NGRN: variants seen among roughly 807,000 people sequenced by gnomAD.
The protein encoded by NGRN is neugrin.
A neutral mutation model predicts 13.1 loss-of-function variants in NGRN; 12 were observed. The observed-to-expected ratio is 0.92, with a 90% CI of 0.59 to 1.49. The LOEUF (loss-of-function observed/expected upper bound fraction) is 1.49. Ranked by LOEUF, NGRN falls within the 40% of genes most tolerant of loss-of-function variation. The pLI is 0.00. For missense variants in NGRN, 397 were observed against 357.0 expected, an observed-to-expected ratio of 1.11 and a Z score of -0.90; for synonymous variants, 149 against 145.8, an observed-to-expected ratio of 1.02 and a Z score of -0.16.
At chr15:90,268,081 G>A (rs1278900145) in intron 2 of NGRN, among the ~76,000 whole-genome samples, 1 of 152,080 alleles carries the variant, frequency 6.6e-6, no homozygotes, top group Non-Finnish European at 1.5e-5. Context: ...TCAGCTCACT[G>A]CAGCCTCTGC....
chr15:90,271,128 G>A (rs1963495122), intron 2 of NGRN, 60 bp from the exon 3 acceptor site: 1 of 1,558,896 alleles, frequency 6.4e-7, no homozygotes, highest in Admixed American at 1.9e-5. Flanking sequence ...GGTATTGCGA[G>A]TTAGATGTTC....
chr15:90,266,222 C>T (rs1963417185), intron 1 of NGRN, 66 bp from the exon 2 acceptor site: 1 of 1,554,600 alleles, frequency 6.4e-7, no homozygotes, highest in Non-Finnish European at 8.7e-7. Context: ...ATGATTTAGC[C>T]TGAGGCTCTT....
At chr15:90,270,238 A>C (rs1379788890) in intron 2 of NGRN, among the ~76,000 whole-genome samples, 1 of 152,042 alleles carries the variant, frequency 6.6e-6, no homozygotes, top group Non-Finnish European at 1.5e-5. Flanking sequence ...CACTGCTTAA[A>C]ATTTTTCCTT....
In NGRN at chr15:90,271,197, T is replaced by C; in HGVS notation, c.285T>C (p.His95=). 1 of 1,610,588 alleles carries C rather than the reference T, an allele frequency of 6.2e-7. No homozygotes were observed. The highest frequency in any genetic ancestry group is 1.3e-5 in the African/African-American group (1 of 74,710). The change falls in exon 3 of 3, where the codon CAT becomes CAC. Residue 95 remains histidine (H), a synonymous_variant. Transcript: ENST00000379095. ...WEAMEQIRYL[H]EEFPESWSVP... Reference sequence around the variant, plus strand: ...CTCCTTCTTCCCGTAGGTATTTACATGAGGAATTTCCAGAGTCCTGGTCAG... The same window carrying C: ...CTCCTTCTTCCCGTAGGTATTTACACGAGGAATTTCCAGAGTCCTGGTCAG...
intron 2 of NGRN, among the ~76,000 whole-genome samples, chr15:90,267,116 C>G (rs1005473924): frequency 2.0e-5 from 3 of 151,458 alleles, no homozygotes; most frequent in South Asian, 2.1e-4. Flanking sequence ...ACTGCAGCCT[C>G]TACCTCCTGG....
chr15:90,269,603 C>T (rs1303156192), intron 2 of NGRN, among the ~76,000 whole-genome samples: 2 of 152,046 alleles, frequency 1.3e-5, no homozygotes, highest in Non-Finnish European at 2.9e-5. Context: ...GCATATTTCC[C>T]TGCCTGATGC....
Position 90,271,476 on chromosome 15 carries a change from C to T in NGRN, c.564C>T (p.Ser188=). 1 of 1,614,086 alleles carries T rather than the reference C, an allele frequency of 6.2e-7. No individual in the cohort carries two copies. The highest frequency in any genetic ancestry group is 8.5e-7 in the Non-Finnish European group (1 of 1,180,032). The change falls in exon 3 of 3, where the codon AGC becomes AGT. Residue 188 remains serine, a synonymous_variant. Transcript: ENST00000379095. ...CCTCATCTAAAGACCCAAATCACAG[C>T]ACAGCTTTGAAAGTGATAGAGTCAG... The part of the protein sequence containing the change: ...HEASSKDPNH[S]TALKVIESDT...
chr15:90,270,863 T>G (rs1963491702), intron 2 of NGRN, among the ~76,000 whole-genome samples: 2 of 152,256 alleles, frequency 1.3e-5, no homozygotes, highest in Admixed American at 6.5e-5. Flanking sequence ...AGTCTCACTC[T>G]GTTGCCCAGG....
rs745619715 is a variant in NGRN, at chr15:90,271,719, C to A, written c.807C>A (p.Phe269Leu). The change falls in exon 3 of 3, where the codon TTC (phenylalanine) becomes TTA (leucine). Residue 269 changes from phenylalanine (F) to leucine (L), a missense_variant. Physicochemically the swap from Phe to Leu is conservative, Grantham distance 22. Transcript: ENST00000379095. ...EELKAEEPDN[F>L]SSKVVQRGRE... ...TGAAGGCAGAGGAGCCAGATAACTTCAGCAGCAAAGTAGTGCAGAGGGGCC... is the reference window on the plus strand; with the variant it reads ...TGAAGGCAGAGGAGCCAGATAACTTAAGCAGCAAAGTAGTGCAGAGGGGCC... 2 of 1,614,170 alleles carry A rather than the reference C, an allele frequency of 1.2e-6. No homozygotes were observed. Among genetic ancestry groups the A allele is most frequent in the Non-Finnish European group, 1.7e-6 (2 of 1,180,030 alleles).
intron 2 of NGRN, among the ~76,000 whole-genome samples, chr15:90,269,810 C>T (rs1401498478): frequency 6.6e-6 from 1 of 152,158 alleles, no homozygotes; most frequent in East Asian, 1.9e-4. Flanking sequence ...CATTCTGTTC[C>T]TGTTTTTCCT....
rs1292178144 is a variant in NGRN, at chr15:90,265,814, C to T, written c.102C>T (p.Gly34=). The T allele has an allele frequency of 6.2e-7, 1 of 1,610,382 alleles. No homozygotes were observed. The highest frequency in any genetic ancestry group is 8.5e-7 in the Non-Finnish European group (1 of 1,178,458). The change falls in exon 1 of 3, where the codon GGC becomes GGT. Residue 34 remains glycine (G), a synonymous_variant. Transcript: ENST00000379095. ...TRGVAGPGPI[G]REPDPDSDWE... is the part of the protein sequence containing the mutation. ...GGGTGGCGGGCCCAGGCCCTATTGG[C>T]CGGGAGCCGGACCCCGATTCCGACT...
rs1963422033 is a variant in NGRN at position 90,266,398 on chromosome 15, G to T, written c.275G>T (p.Arg92Leu). ...ACGTGGGAAGCCATGGAGCAGATAC[G>T]GTGAGACTCAGGATACCTTGTTTGT... is the stretch of plus-strand genomic sequence containing the variant. ...TLTWEAMEQI[R>L]YLHEEFPESW... Residue 92 changes from arginine to leucine, a missense_variant and splice_region_variant, in exon 2 of 3, where the codon CGG becomes CTG. Coordinates refer to ENST00000379095, the MANE Select transcript of NGRN (RefSeq NM_001033088.3). 6.2e-7 allele frequency: 1 copy of T among 1,611,494 alleles called. No homozygotes were observed. Among genetic ancestry groups the T allele is most frequent in the South Asian group, 1.1e-5 (1 of 90,642 alleles).
intron 2 of NGRN, among the ~76,000 whole-genome samples, chr15:90,269,968 C>G (rs1963481520): frequency 6.6e-6 from 1 of 152,214 alleles, no homozygotes; most frequent in African/African-American, 2.4e-5. Context: ...CATTGACTGT[C>G]TCACTCGAGA....
At position 90,271,301 on chromosome 15, in the gene NGRN, T is replaced by TGGAGCA. The variant is rs777578191; in HGVS notation, c.391_396dup (p.Glu131_Gln132dup). The TGGAGCA allele has an allele frequency of 5.0e-6, 8 of 1,614,136 alleles. No homozygotes were observed. The Admixed American group carries it at 1.3e-4, about 27-fold the overall frequency. ...TTAAAAAGCAAGTTTTTACCCACATTGGAGCAGAAGCTGAAGCAGGATCAA... is the reference window on the plus strand; with the variant it reads ...TTAAAAAGCAAGTTTTTACCCACATTGGAGCAGGAGCAGAAGCTGAAGCAGGATCAA... On this transcript the variant is annotated inframe_insertion, in exon 3 of 3. Coordinates refer to ENST00000379095, the MANE Select transcript of NGRN (RefSeq NM_001033088.3).
chr15:90,271,081 C>T, intron 2 of NGRN, 107 bp from the exon 3 acceptor site: 10 of 1,305,590 alleles, frequency 7.7e-6, no homozygotes, highest in Non-Finnish European at 1.1e-5. Context: ...CAGGTGTGAG[C>T]CACCATGCCA....
intron 2 of NGRN, 107 bp downstream of exon 2, chr15:90,266,505 A>C: frequency 1.2e-6 from 1 of 822,264 alleles, no homozygotes; most frequent in Non-Finnish European, 1.9e-6. Context: ...ATTTTCGTTT[A>C]CTTTTTGTCG....
intron 2 of NGRN, among the ~76,000 whole-genome samples, chr15:90,269,162 A>ATTTTTTT (rs34266380): frequency 1.9e-4 from 17 of 89,622 alleles, no homozygotes; most frequent in African/African-American, 3.9e-4. Context: ...TACCTGGCTA[A>ATTTTTTT]TTTTTTTTTT....
intron 1 of NGRN, 129 bp from the exon 2 acceptor site, chr15:90,266,159 G>A (rs11547110): frequency 6.8e-7 from 1 of 1,472,540 alleles, no homozygotes. Flanking sequence ...GCTCTAAGCC[G>A]GCAACATGGC....
At position 90,271,168 on chromosome 15, in the gene NGRN, C is replaced by T. The variant is rs749675944; in HGVS notation, c.276-20C>T. On this transcript the variant is annotated intron_variant, in intron 2 of 2. Coordinates refer to ENST00000379095, the MANE Select transcript of NGRN (RefSeq NM_001033088.3). ...AGGAGACTTCTTCACAACTTGCAAA[C>T]CTGCTCCTTCTTCCCGTAGGTATTT... 1.1e-5 allele frequency: 18 copies of T among 1,598,134 alleles called. No homozygotes were observed. Among genetic ancestry groups the T allele is most frequent in the Non-Finnish European group, 1.4e-5 (16 of 1,172,448 alleles).
Sources: gnomAD v4.1 joint callset for allele counts (sites outside exome capture counted in the v4.1 genomes callset) on GRCh38, gnomAD v4.1.1 for gene constraint, MANE v1.5 for transcripts, NCBI Gene and HGNC (gene_info 2026-07-23, HGNC 2026-07-21) for gene names.